DNAJC8: variants seen among roughly 807,000 people sequenced by gnomAD.
The protein encoded by DNAJC8 is DnaJ heat shock protein family (Hsp40) member C8.
A neutral mutation model predicts 43.2 loss-of-function variants in DNAJC8; 24 were observed. The ratio of observed to expected loss-of-function variants is 0.56; its 90% confidence interval spans 0.40 to 0.78. DNAJC8 has a LOEUF of 0.78. Ranked by LOEUF, DNAJC8 falls within the 30% of genes least tolerant of loss-of-function variation. The pLI, the probability that DNAJC8 is intolerant of heterozygous loss-of-function variation, is 0.00. For missense variants in DNAJC8, 207 were observed against 299.4 expected (o/e 0.69, Z 2.28); for synonymous variants, 83 against 98.0 (o/e 0.85, Z 0.90).
chr1:28,224,938 A>G (rs1440995136), intron 2 of DNAJC8, among the ~76,000 whole-genome samples: 1 of 149,106 alleles, frequency 6.7e-6, no homozygotes, highest in African/African-American at 2.5e-5. Flanking sequence ...CTTGAATCCC[A>G]GTATTTTGAA....
At chr1:28,209,821 T>C in intron 5 of DNAJC8, 151 bp downstream of exon 5, 1 of 643,308 alleles carries the variant, frequency 1.6e-6, no homozygotes, top group South Asian at 1.8e-5. Context: ...AGGCACACAC[T>C]ATTCATGACC....
chr1:28,218,243 G>A (rs1158850341), intron 2 of DNAJC8, among the ~76,000 whole-genome samples: 3 of 151,706 alleles, frequency 2.0e-5, no homozygotes, highest in South Asian at 4.2e-4. Context: ...TTACAGGCAT[G>A]TGCCACCACG....
chr1:28,214,533 C>T (rs979782928), intron 3 of DNAJC8, among the ~76,000 whole-genome samples: 3 of 151,824 alleles, frequency 2.0e-5, no homozygotes, highest in African/African-American at 4.8e-5. Context: ...GACTCTGTCT[C>T]GAAAAATAAG....
chr1:28,212,168 A>AATAAATATATATATATAT (rs35950985), intron 3 of DNAJC8, among the ~76,000 whole-genome samples: 14 of 30,982 alleles, frequency 4.5e-4, no homozygotes, highest in East Asian at 1.2e-3. Context: ...TAAATAAATA[A>AATAAATATATATATATAT]ATATATATAT....
rs528978849 is a variant in DNAJC8 at position 28,212,272 on chromosome 1, CTTTTTTTT to C, written c.238-1643_238-1636del. On this transcript the variant is annotated intron_variant, in intron 3 of 8. Coordinates refer to ENST00000263697, the MANE Select transcript of DNAJC8 (RefSeq NM_014280.3). Reference sequence around the variant, plus strand: ...ATACATGAATATTCGTTGTTCTATTCTTTTTTTTTTTTTTTTTTTTGAGACAGAGTGTT... The same window carrying C: ...ATACATGAATATTCGTTGTTCTATTCTTTTTTTTTTTTGAGACAGAGTGTT... 2.7e-4 allele frequency among the ~76,000 whole-genome samples: 25 copies of C among 90,948 alleles called. 1 individual carries two copies. The highest frequency in any genetic ancestry group is 5.7e-3 in the Middle Eastern group (1 of 174). The allele number at this position is 90,948 out of a possible 152,430, so 59.7% of individuals were successfully genotyped here.
intron 6 of DNAJC8, among the ~76,000 whole-genome samples, chr1:28,207,941 T>C (rs1447313627): frequency 6.6e-6 from 1 of 151,988 alleles, no homozygotes; most frequent in East Asian, 1.9e-4. Flanking sequence ...GGCTCATGCC[T>C]GTAGCCTGCA....
intron 5 of DNAJC8, among the ~76,000 whole-genome samples, chr1:28,209,240 C>T (rs980815926): frequency 6.6e-6 from 1 of 152,126 alleles, no homozygotes; most frequent in African/African-American, 2.4e-5. Flanking sequence ...TATCCATTTT[C>T]CTCACCGAAA....
chr1:28,201,504 G>T, intron 8 of DNAJC8, 134 bp from the exon 9 acceptor site: 1 of 1,377,640 alleles, frequency 7.3e-7, no homozygotes. Context: ...GTAGAATAGA[G>T]CTGGCCAGGC....
chr1:28,206,872 A>G (rs1646772233), intron 6 of DNAJC8, among the ~76,000 whole-genome samples: 1 of 152,212 alleles, frequency 6.6e-6, no homozygotes, highest in Non-Finnish European at 1.5e-5. Flanking sequence ...CCTGCTAGAC[A>G]CTGCTCACTA....
chr1:28,216,640 G>A (rs570145145), intron 2 of DNAJC8, among the ~76,000 whole-genome samples: 1 of 151,564 alleles, frequency 6.6e-6, no homozygotes, highest in South Asian at 2.1e-4. Flanking sequence ...TGGTTCTTGA[G>A]TTAAAAAAAA....
At chr1:28,232,798 C>A (rs1187264560) in intron 1 of DNAJC8, 123 bp downstream of exon 1, 6 of 1,039,504 alleles carry the variant, frequency 5.8e-6, no homozygotes, top group South Asian at 2.9e-5. Flanking sequence ...CCCCCGCCAC[C>A]CCGAAGACTG....
intron 2 of DNAJC8, among the ~76,000 whole-genome samples, chr1:28,219,715 T>C (rs1014141350): frequency 6.6e-6 from 1 of 151,914 alleles, no homozygotes; most frequent in African/African-American, 2.4e-5. Context: ...TGAGACAGAG[T>C]CTTGTTCTGT....
intron 2 of DNAJC8, among the ~76,000 whole-genome samples, chr1:28,225,124 A>G (rs1259557159): frequency 6.6e-6 from 1 of 151,252 alleles, no homozygotes; most frequent in Non-Finnish European, 1.5e-5. Flanking sequence ...AGGCCCTGAG[A>G]AAGACTTTTT....
At chr1:28,223,142 T>G (rs1646910390) in intron 2 of DNAJC8, among the ~76,000 whole-genome samples, 1 of 151,894 alleles carries the variant, frequency 6.6e-6, no homozygotes, top group African/African-American at 2.4e-5. Context: ...GGGCATCCAG[T>G]GTGAAAAGGC....
At chr1:28,202,568 C>T (rs1397324827) in intron 8 of DNAJC8, among the ~76,000 whole-genome samples, 18 of 147,198 alleles carry the variant, frequency 1.2e-4, no homozygotes, top group Admixed American at 1.1e-3. Context: ...CATGAGCCAC[C>T]TCACCCGGCC....
chr1:28,200,674 C>T lies in DNAJC8; in HGVS notation c.*574G>A, dbSNP rs779064448. ...TTTGGAAAGTGAAAGGTTTGGGTGG[C>T]GTGGGCCTCATGCCACACTGATTGG... On this transcript the variant is annotated 3_prime_UTR_variant, in exon 9 of 9. Transcript: ENST00000263697. The T allele has an allele frequency of 1.1e-5, 5 of 454,534 alleles. No homozygotes were observed. Among genetic ancestry groups the T allele is most frequent in the Middle Eastern group, 6.4e-4 (1 of 1,566 alleles). The allele number at this position is 454,534 out of a possible 1,614,324, so 28.2% of individuals were successfully genotyped here.
chr1:28,218,285 G>C (rs979567973), intron 2 of DNAJC8, among the ~76,000 whole-genome samples: 22 of 151,758 alleles, frequency 1.4e-4, no homozygotes, highest in Non-Finnish European at 2.8e-4. Flanking sequence ...AGTAGAGACG[G>C]GGTTTCTCCA....
Position 28,201,292 on chromosome 1 carries a change from T to C in DNAJC8, c.718A>G (p.Thr240Ala). 1 of 1,612,588 alleles carries C rather than the reference T, an allele frequency of 6.2e-7. No homozygotes were observed. The highest frequency in any genetic ancestry group is 1.1e-5 in the South Asian group (1 of 91,004). The stretch of plus-strand genomic sequence containing the variant: ...TTTACTTTCGGTGGTCTCAGGAAGG[T>C]CCGATTTTTCTTCTCTTTCTTCCCC... The part of the protein sequence containing the change: ...TKGKKEKKNR[T>A]FLRPPKVKME... Residue 240 changes from threonine (T) to alanine (A), a missense_variant, in exon 9 of 9, where the codon ACC becomes GCC. Coordinates refer to ENST00000263697, the MANE Select transcript of DNAJC8 (RefSeq NM_014280.3).
chr1:28,219,676 C>T (rs1266279918), intron 2 of DNAJC8, among the ~76,000 whole-genome samples: 1 of 151,938 alleles, frequency 6.6e-6, no homozygotes, highest in Non-Finnish European at 1.5e-5. Flanking sequence ...GAAGTTCGGA[C>T]GATTTCTATT....
Sources: allele counts gnomAD v4.1 joint callset (sites outside exome capture counted in the v4.1 genomes callset), GRCh38; gene constraint gnomAD v4.1.1; transcripts MANE v1.5; gene names NCBI Gene and HGNC (gene_info 2026-07-23, HGNC 2026-07-21).